Variants in CCT4 observed in about 807,000 individuals in gnomAD.
The protein encoded by CCT4 is T-complex protein 1 subunit delta.
In CCT4, 17 loss-of-function variants were observed where a neutral mutation model predicts 62.5. The ratio of observed to expected loss-of-function variants is 0.27; its 90% CI spans 0.19 to 0.41. The LOEUF is 0.41. Among genes scored for constraint, CCT4 ranks in the 10% least tolerant of loss-of-function variants. The pLI, the probability that CCT4 is intolerant of heterozygous loss-of-function variation, is 1.00. For missense variants in CCT4, 592 were observed against 659.2 expected (o/e 0.90, Z 1.12); for synonymous variants, 250 against 229.9 (o/e 1.09, Z -0.79).
At chr2:61,870,869 A>G (rs1404982771) in intron 12 of CCT4, among the ~76,000 whole-genome samples, 1 of 152,030 alleles carries the variant, frequency 6.6e-6, no homozygotes, top group African/African-American at 2.4e-5. Flanking sequence ...CAGTGAGCTG[A>G]CAGTGCTACT....
At chr2:61,880,239 G>GT in intron 4 of CCT4, 47 bp downstream of exon 4, 1 of 794,610 alleles carries the variant, frequency 1.3e-6, no homozygotes, top group East Asian at 3.1e-5. Flanking sequence ...CCTAAAGTTT[G>GT]TTTTTTAAAC....
chr2:61,887,324 T>C (rs2105144920), intron 1 of CCT4, among the ~76,000 whole-genome samples: 1 of 152,298 alleles, frequency 6.6e-6, no homozygotes, highest in East Asian at 1.9e-4. Flanking sequence ...ATGTAAGGTG[T>C]ACTTTATATA....
intron 1 of CCT4, among the ~76,000 whole-genome samples, chr2:61,887,157 A>G (rs1486654018): frequency 6.6e-6 from 1 of 152,180 alleles, no homozygotes; most frequent in African/African-American, 2.4e-5. Flanking sequence ...TTCCAGGTGT[A>G]TTATCTCCTA....
At chr2:61,870,790 T>C (rs952020351) in intron 12 of CCT4, among the ~76,000 whole-genome samples, 4 of 151,658 alleles carry the variant, frequency 2.6e-5, no homozygotes, top group African/African-American at 7.3e-5. Context: ...GGCCTGGTGG[T>C]GGGCGCCTGT....
intron 3 of CCT4, among the ~76,000 whole-genome samples, chr2:61,881,049 T>C (rs1354285425): frequency 1.3e-5 from 2 of 152,056 alleles, no homozygotes; most frequent in Non-Finnish European, 2.9e-5. Context: ...TAAGAGTCTT[T>C]TGCCAAGTTT....
At chr2:61,875,988 C>A in intron 8 of CCT4, 107 bp downstream of exon 8, 1 of 651,026 alleles carries the variant, frequency 1.5e-6, no homozygotes. Flanking sequence ...TTAAGAAATA[C>A]GAACTTAGAG....
chr2:61,880,440 AC>A (rs762834806), intron 3 of CCT4, 46 bp from the exon 4 acceptor site: 4 of 934,898 alleles, frequency 4.3e-6, no homozygotes, highest in Non-Finnish European at 6.9e-6. Context: ...AAATGACAGA[AC>A]CCAGTAACAC....
rs1206948907 is a variant in CCT4, at chr2:61,879,060, C to T, written c.380-49G>A. The T allele has an allele frequency of 3.1e-5, 44 of 1,410,602 alleles. No individual in the cohort carries two copies. In the Admixed American group the frequency reaches 9.1e-4, roughly 29 times the overall value. 87.4% of individuals were successfully genotyped at this position (1,410,602 alleles called of 1,614,324 possible). On this transcript the variant is annotated intron_variant, in intron 4 of 13. Coordinates refer to ENST00000394440, the MANE Select transcript of CCT4 (RefSeq NM_006430.4). ...ATTTAATTGTAACAGGTAAACTACA[C>T]ATTTGACATGGCTTAAAAATTTTCT...
chr2:61,872,997 G>T lies in CCT4; in HGVS notation c.1125+5C>A. On this transcript the variant is annotated splice_donor_5th_base_variant and intron_variant, in intron 10 of 13. Transcript: ENST00000394440. ...CAAATAAAAATTTAAGTGTAATACT[G>T]TTACCTTGAGCAGTTTGCCAGAACC... The T allele has an allele frequency of 6.6e-7, 1 of 1,523,254 alleles. No homozygotes were observed. The highest frequency in any genetic ancestry group is 9.1e-7 in the Non-Finnish European group (1 of 1,097,208). 94.4% of individuals were successfully genotyped at this position (1,523,254 alleles called of 1,614,324 possible).
At position 61,872,101 on chromosome 2, in the gene CCT4, G is replaced by A. The variant is rs1477950216; in HGVS notation, c.1472C>T (p.Ala491Val). ...GATTACCTTTCGGACATTAATGCCT[G>A]CAGTTTTTTCTCCCTGGGCATGCCG... Reference protein sequence around the residue: ...RNRHAQGEKTAGINVRKGGIS... With the variant: ...RNRHAQGEKTVGINVRKGGIS... Residue 491 changes from alanine to valine, a missense_variant, in exon 12 of 14, where the codon GCA becomes GTA. By Grantham distance (64) the Ala-to-Val change is moderately conservative. This residue lies in a region of CCT4 where 522 missense variants were observed against 571.2 expected (regional missense o/e 0.91). Transcript: ENST00000394440. 2 of 1,610,846 alleles carry A rather than the reference G, an allele frequency of 1.2e-6. No individual in the cohort carries two copies. The highest frequency in any genetic ancestry group is 1.7e-5 in the Admixed American group (1 of 59,970).
At position 61,875,695 on chromosome 2, in the gene CCT4, A is replaced by T. The variant is rs1031319191; in HGVS notation, c.917+400T>A. Among the ~76,000 whole-genome samples the T allele has an allele frequency of 2.2e-4, 34 of 152,194 alleles. No homozygotes were observed. In the East Asian group the frequency reaches 5.6e-3, roughly 25 times the overall value. On this transcript the variant is annotated intron_variant, in intron 8 of 13. Transcript: ENST00000394440. ...TTAAGGGCTCCACCCTGAAGCCAAT[A>T]ATCGAAGAAATAAGTTTTTTAAAAG...
chr2:61,880,482 A>C (rs1191285821), intron 3 of CCT4, 88 bp from the exon 4 acceptor site: 1 of 738,798 alleles, frequency 1.4e-6, no homozygotes, highest in Non-Finnish European at 2.3e-6. Context: ...AGTGTCACAA[A>C]CAGAATTTGA....
Position 61,885,079 on chromosome 2 carries a change from A to T in CCT4, c.128-7T>A. 2 of 1,459,972 alleles carry T rather than the reference A, an allele frequency of 1.4e-6. No homozygotes were observed. Among genetic ancestry groups the T allele is most frequent in the Non-Finnish European group, 1.8e-6 (2 of 1,108,906 alleles). The allele number at this position is 1,459,972 out of a possible 1,614,324, so 90.4% of individuals were successfully genotyped here. On this transcript the variant is annotated splice_region_variant and splice_polypyrimidine_tract_variant and intron_variant, in intron 1 of 13. Transcript: ENST00000394440. The stretch of plus-strand genomic sequence containing the variant: ...CTAATAGCATCAGCAACCGCTGCAG[A>T]TGGGGGGGAAAAAAAAGAAAACAAA...
chr2:61,888,669 G>T (rs1418737765), upstream of CCT4: 5 of 791,690 alleles, frequency 6.3e-6, no homozygotes, highest in Non-Finnish European at 9.6e-6. Context: ...GGCCTTCCTT[G>T]CCGCGCGGCG....
chr2:61,874,568 G>A (rs9678820), intron 8 of CCT4, among the ~76,000 whole-genome samples: 3 of 151,400 alleles, frequency 2.0e-5, no homozygotes, highest in Admixed American at 6.6e-5. Context: ...CTGAGACTGC[G>A]CCATTGTACT....
intron 3 of CCT4, among the ~76,000 whole-genome samples, chr2:61,882,027 C>T (rs1466861131): frequency 4.6e-5 from 7 of 151,596 alleles, no homozygotes; most frequent in Admixed American, 1.3e-4. Context: ...TCTGCCTCCC[C>T]GGTTCAAGCA....
chr2:61,880,239 G>T, intron 4 of CCT4, 47 bp downstream of exon 4: 1 of 794,596 alleles, frequency 1.3e-6, no homozygotes, highest in Non-Finnish European at 1.8e-6. Flanking sequence ...CCTAAAGTTT[G>T]TTTTTTAAAC....
intron 7 of CCT4, among the ~76,000 whole-genome samples, chr2:61,876,650 CT>C (rs1489927129): frequency 6.6e-6 from 1 of 152,072 alleles, no homozygotes; most frequent in Non-Finnish European, 1.5e-5. Flanking sequence ...CCTCAAACTC[CT>C]AGGTTCAAGC....
At chr2:61,872,023 C>G in intron 12 of CCT4, 59 bp downstream of exon 12, 9 of 1,245,126 alleles carry the variant, frequency 7.2e-6, no homozygotes, top group Admixed American at 2.0e-5. Flanking sequence ...CAGATGACTA[C>G]AAAGCTTTTA....
Sources: gnomAD v4.1 joint callset for allele counts (sites outside exome capture counted in the v4.1 genomes callset) on GRCh38, gnomAD v4.1.1 for gene constraint, gnomAD v4.1.1 regional missense constraint, MANE v1.5 for transcripts, NCBI Gene and HGNC (gene_info 2026-07-23, HGNC 2026-07-21) for gene names.